The following INTS4 variants were observed in gnomAD, a reference collection of about 807,000 sequenced individuals.
INTS4 encodes MSTP093.
A neutral mutation model predicts 119.5 loss-of-function variants in INTS4; 70 were observed. That is an observed-to-expected ratio of 0.59 (90% CI 0.48 to 0.71). INTS4 has a LOEUF of 0.71. INTS4 is among the 30% of genes least tolerant of loss of function. The pLI is 0.00. For synonymous variants in INTS4, 316 were observed against 419.6 expected (o/e 0.75, Z 3.02); for missense variants, 867 against 1,173.2 (o/e 0.74, Z 3.81).
chr11:77,932,337 C>T (rs1953671492), intron 10 of INTS4, among the ~76,000 whole-genome samples: 2 of 152,218 alleles, frequency 1.3e-5, no homozygotes, highest in Admixed American at 1.3e-4. Context: ...ATTTATGCGA[C>T]CAACAAACAT....
At chr11:77,909,948 T>G (rs1470872243) in intron 15 of INTS4, among the ~76,000 whole-genome samples, 1 of 152,166 alleles carries the variant, frequency 6.6e-6, no homozygotes, top group African/African-American at 2.4e-5. Flanking sequence ...AATCAACACG[T>G]GCTGGAGAGG....
At chr11:77,962,470 G>C (rs1197786105) in intron 4 of INTS4, among the ~76,000 whole-genome samples, 1 of 151,984 alleles carries the variant, frequency 6.6e-6, no homozygotes, top group Non-Finnish European at 1.5e-5. Context: ...CATTACCCTA[G>C]TCCAATGCTA....
At chr11:77,946,985 C>T (rs1239364899) in intron 8 of INTS4, among the ~76,000 whole-genome samples, 1 of 149,550 alleles carries the variant, frequency 6.7e-6, no homozygotes, top group African/African-American at 2.5e-5. Flanking sequence ...AATCTTGGAA[C>T]TGAAGAATTT....
rs746244022 is a variant in INTS4 at position 77,903,547 on chromosome 11, G to T, written c.2090C>A (p.Ala697Glu). ...AGGTCTGAATAAGCTTACCTGTTTCGCTGCTGCTGAGGCCAAATCACTCTG... is the reference window on the plus strand; with the variant it reads ...AGGTCTGAATAAGCTTACCTGTTTCTCTGCTGCTGAGGCCAAATCACTCTG... Reference protein sequence around the residue: ...LKQSDLASAAAKQIMEETYKM... With the variant: ...LKQSDLASAAEKQIMEETYKM... The change falls in exon 17 of 23, where the codon GCG becomes GAG. Residue 697 changes from alanine (A) to glutamate (E), a missense_variant. Around this residue, in one of 5 missense-constraint regions of INTS4, gnomAD observed 262 missense variants for 376.0 expected, o/e 0.70. Transcript: ENST00000534064. The T allele has an allele frequency of 6.2e-7, 1 of 1,613,566 alleles. No individual in the cohort carries two copies. Among genetic ancestry groups the T allele is most frequent in the African/African-American group, 1.3e-5 (1 of 74,860 alleles).
chr11:77,893,721 C>T (rs1239010983), intron 19 of INTS4, among the ~76,000 whole-genome samples: 2 of 151,814 alleles, frequency 1.3e-5, no homozygotes, highest in African/African-American at 4.8e-5. Context: ...GATGAAACCC[C>T]GTCTCTACTA....
At chr11:77,882,190 C>T (rs1218243543) in intron 22 of INTS4, among the ~76,000 whole-genome samples, 4 of 152,152 alleles carry the variant, frequency 2.6e-5, no homozygotes, top group Non-Finnish European at 4.4e-5. Context: ...ATTACAGGTA[C>T]AAGCCACCAG....
intron 7 of INTS4, among the ~76,000 whole-genome samples, chr11:77,956,944 T>A (rs747899529): frequency 1.3e-4 from 20 of 151,608 alleles, no homozygotes; most frequent in Admixed American, 7.2e-4. Context: ...CAAATTATGC[T>A]TTTTTTTGAG....
At chr11:77,975,142 G>A (rs1855894361) in intron 4 of INTS4, among the ~76,000 whole-genome samples, 1 of 150,786 alleles carries the variant, frequency 6.6e-6, no homozygotes, top group Non-Finnish European at 1.5e-5. Context: ...TAAGTTTAAT[G>A]GGTGCTTCTT....
chr11:77,925,667 T>C (rs1953481440), intron 11 of INTS4, among the ~76,000 whole-genome samples: 1 of 152,246 alleles, frequency 6.6e-6, no homozygotes, highest in Non-Finnish European at 1.5e-5. Flanking sequence ...TTTTCCATAA[T>C]GTTAGAATAA....
intron 10 of INTS4, among the ~76,000 whole-genome samples, chr11:77,930,640 C>T (rs950631992): frequency 2.0e-5 from 3 of 152,128 alleles, no homozygotes; most frequent in Admixed American, 6.5e-5. Flanking sequence ...GCCTGAACGG[C>T]CAGACTATAA....
intron 16 of INTS4, 32 bp from the exon 17 acceptor site, chr11:77,903,652 C>A: frequency 6.4e-7 from 1 of 1,568,106 alleles, no homozygotes; most frequent in Non-Finnish European, 8.7e-7. Context: ...GAACAGAATA[C>A]CGAGGTCACA....
downstream of INTS4, among the ~76,000 whole-genome samples, chr11:77,875,830 G>A (rs562187892): frequency 2.0e-4 from 31 of 152,268 alleles, no homozygotes; most frequent in African/African-American, 7.5e-4. Flanking sequence ...CACATTCCCA[G>A]GCTCAGCAGG....
intron 9 of INTS4, among the ~76,000 whole-genome samples, chr11:77,940,430 C>CA (rs576331351): frequency 2.0e-5 from 3 of 149,548 alleles, no homozygotes; most frequent in African/African-American, 4.9e-5. Context: ...GACCCTGTTT[C>CA]AAAAAAAAAG....
chr11:77,921,540 T>C, intron 13 of INTS4, 67 bp from the exon 14 acceptor site: 1 of 944,728 alleles, frequency 1.1e-6, no homozygotes, highest in Non-Finnish European at 1.7e-6. Flanking sequence ...GCACTCTCAC[T>C]TTCCACCTCC....
intron 18 of INTS4, among the ~76,000 whole-genome samples, chr11:77,897,143 G>C (rs1952559666): frequency 6.6e-6 from 1 of 151,838 alleles, no homozygotes; most frequent in African/African-American, 2.4e-5. Flanking sequence ...TTCCATTTAT[G>C]TATGAGAGCA....
At chr11:77,958,009 AACTT>A (rs1343062538) in intron 7 of INTS4, among the ~76,000 whole-genome samples, 2 of 151,866 alleles carry the variant, frequency 1.3e-5, no homozygotes, top group Non-Finnish European at 2.9e-5. Flanking sequence ...ATCAATATAA[AACTT>A]ACTTATCAAT....
Position 77,953,533 on chromosome 11 carries a change from G to A in INTS4, c.918+2409C>T, listed in dbSNP as rs1289545225. Among the ~76,000 whole-genome samples the A allele has an allele frequency of 3.3e-5, 5 of 151,876 alleles. No individual in the cohort carries two copies. In the East Asian group the frequency reaches 9.7e-4, roughly 29 times the overall value. On this transcript the variant is annotated intron_variant, in intron 8 of 22. Coordinates refer to ENST00000534064, the MANE Select transcript of INTS4 (RefSeq NM_033547.4). ...CAAGGTAACACAGATATAAAATAAG[G>A]GTATTAGGCCAACACTCTATTACAA...
At chr11:77,878,189 C>T (rs570942806), downstream of INTS4, among the ~76,000 whole-genome samples, 183 of 151,922 alleles carry the variant, frequency 1.2e-3, 1 homozygote, top group South Asian at 0.026. Context: ...GGTGAAACCC[C>T]GTCTCTACTA....
chr11:77,988,269 A>C (rs973566656), intron 2 of INTS4, among the ~76,000 whole-genome samples: 2 of 152,238 alleles, frequency 1.3e-5, no homozygotes, highest in East Asian at 3.8e-4. Context: ...CATAAGACTT[A>C]ACAATTGTGC....
Sources: allele counts gnomAD v4.1 joint callset (sites outside exome capture counted in the v4.1 genomes callset), GRCh38; gene constraint gnomAD v4.1.1; regional missense constraint gnomAD v4.1.1; transcripts MANE v1.5; gene names NCBI Gene and HGNC (gene_info 2026-07-23, HGNC 2026-07-21).